The following PTCD1 variants were observed in gnomAD, a reference collection of about 807,000 sequenced individuals.
PTCD1 encodes the protein pentatricopeptide repeat domain 1.
In PTCD1, 50 loss-of-function variants were observed where a neutral mutation model predicts 53.4. That is an observed-to-expected ratio of 0.94 (90% CI 0.75 to 1.19). The LOEUF is 1.19. PTCD1 is among the 50% of genes most tolerant of loss of function. The pLI, the probability that PTCD1 is intolerant of heterozygous loss-of-function variation, is 0.00. For missense variants in PTCD1, 918 were observed against 904.8 expected (o/e 1.01, Z -0.19); for synonymous variants, 413 against 394.8 (o/e 1.05, Z -0.55).
chr7:99,420,317 A>G (rs1222659428), intron 7 of PTCD1, among the ~76,000 whole-genome samples, 168 bp from the exon 8 acceptor site: 1 of 152,172 alleles, frequency 6.6e-6, no homozygotes, highest in Admixed American at 6.5e-5. Context: ...GGACTAGCTT[A>G]CTTCAGAGAA....
At chr7:99,423,065 A>C (rs1584453381) in intron 7 of PTCD1, among the ~76,000 whole-genome samples, 1 of 146,374 alleles carries the variant, frequency 6.8e-6, no homozygotes. Context: ...ATTAAACTTC[A>C]GCTCTTAACC....
chr7:99,438,601 C>G (rs1205150076), intron 1 of PTCD1, 91 bp downstream of exon 1: 6 of 1,149,518 alleles, frequency 5.2e-6, no homozygotes, highest in Non-Finnish European at 6.5e-6. Context: ...CAGACGCCCC[C>G]GGCTCCAATC....
Position 99,418,650 on chromosome 7 carries a change from G to C in PTCD1, c.*1317C>G, listed in dbSNP as rs1320347001. The C allele has an allele frequency of 3.3e-5, 5 of 152,822 alleles. No homozygotes were observed. Among genetic ancestry groups the C allele is most frequent in the Admixed American group, 2.0e-4 (3 of 15,316 alleles). The allele number at this position is 152,822 out of a possible 1,614,324, so 9.5% of individuals were successfully genotyped here. On this transcript the variant is annotated 3_prime_UTR_variant, in exon 8 of 8. Transcript: ENST00000292478. ...ACTGGGGTGTTGGTTTTCTGATGGA[G>C]GCAGGGACAGGTGGCAGAGTGGCAG...
intron 1 of PTCD1, among the ~76,000 whole-genome samples, chr7:99,437,682 G>T (rs2150964441): frequency 6.6e-6 from 1 of 151,896 alleles, no homozygotes; most frequent in South Asian, 2.1e-4. Flanking sequence ...CACAAACTGG[G>T]TTTTTTTGCG....
Position 99,429,586 on chromosome 7 carries a change from A to G in PTCD1, c.813+2T>C. The stretch of plus-strand genomic sequence containing the variant: ...GGAGCAGGACGGCAGGGGAAGCCCC[A>G]CCTTGAACACATCGAGGCACATCCT... On this transcript the variant is annotated splice_donor_variant, in intron 4 of 7. Coordinates refer to ENST00000292478, the MANE Select transcript of PTCD1 (RefSeq NM_015545.4). LOFTEE classifies it high-confidence loss of function. 6.2e-7 allele frequency: 1 copy of G among 1,614,158 alleles called. No individual in the cohort carries two copies. The highest frequency in any genetic ancestry group is 8.5e-7 in the Non-Finnish European group (1 of 1,180,014).
intron 7 of PTCD1, among the ~76,000 whole-genome samples, chr7:99,422,702 G>A (rs572053166): frequency 3.3e-5 from 5 of 152,300 alleles, no homozygotes; most frequent in East Asian, 1.9e-4. Flanking sequence ...ACAGAAAAGG[G>A]CTACCTGGGA....
chr7:99,430,032 T>G (rs1451368925), intron 3 of PTCD1, among the ~76,000 whole-genome samples: 2 of 152,132 alleles, frequency 1.3e-5, no homozygotes, highest in Admixed American at 1.3e-4. Flanking sequence ...AAACAGGAGC[T>G]ACCCTGCCCT....
In PTCD1 at chr7:99,419,499, C is replaced by A. The variant is rs1378296453; in HGVS notation, c.*468G>T. ...CGCAGGTTCCTGCCTGTCACGCCACCCCCTTCCTGGGAGCAGCGAGCAGTG... is the reference window on the plus strand; with the variant it reads ...CGCAGGTTCCTGCCTGTCACGCCACACCCTTCCTGGGAGCAGCGAGCAGTG... On this transcript the variant is annotated 3_prime_UTR_variant, in exon 8 of 8. Coordinates refer to ENST00000292478, the MANE Select transcript of PTCD1 (RefSeq NM_015545.4). 6 of 1,595,316 alleles carry A rather than the reference C, an allele frequency of 3.8e-6. No homozygotes were observed. Among genetic ancestry groups the A allele is most frequent in the African/African-American group, 1.3e-5 (1 of 74,656 alleles).
Position 99,419,965 on chromosome 7 carries a change from C to T in PTCD1, c.*2G>A, listed in dbSNP as rs1795724958. On this transcript the variant is annotated 3_prime_UTR_variant, in exon 8 of 8. Transcript: ENST00000292478. Reference sequence around the variant, plus strand: ...GAGCACATTGTTCCAGCTGTGCTCCCATCACCTGCCCCCAAGGGCACATCC... The same window carrying T: ...GAGCACATTGTTCCAGCTGTGCTCCTATCACCTGCCCCCAAGGGCACATCC... 10 of 1,614,076 alleles carry T rather than the reference C, an allele frequency of 6.2e-6. No individual in the cohort carries two copies. The highest frequency in any genetic ancestry group is 8.5e-6 in the Non-Finnish European group (10 of 1,180,032).
chr7:99,433,843 G>A (rs1389317984), intron 2 of PTCD1, among the ~76,000 whole-genome samples: 1 of 152,058 alleles, frequency 6.6e-6, no homozygotes, highest in East Asian at 1.9e-4. Context: ...CACAAGGTCA[G>A]GAATTCGAGA....
intron 3 of PTCD1, chr7:99,432,787 G>A: frequency 4.9e-6 from 1 of 203,808 alleles, no homozygotes; most frequent in Non-Finnish European, 1.0e-5. Flanking sequence ...AGATGCGGTG[G>A]CTGGGCTGTG....
intron 1 of PTCD1, chr7:99,438,442 G>A (rs1363575798): frequency 1.1e-6 from 1 of 936,902 alleles, no homozygotes; most frequent in Non-Finnish European, 1.3e-6. Context: ...TCCAGCCTGG[G>A]CCACAGAGCG....
At chr7:99,433,156 A>T (rs1796327980) in intron 3 of PTCD1, 122 bp downstream of exon 3, 1 of 1,472,778 alleles carries the variant, frequency 6.8e-7, no homozygotes, top group African/African-American at 1.4e-5. Context: ...TTTTAAGGAG[A>T]TGACTCTGAG....
At chr7:99,424,712 T>C in intron 6 of PTCD1, 83 bp downstream of exon 6, 1 of 1,550,268 alleles carries the variant, frequency 6.5e-7, no homozygotes, top group East Asian at 2.3e-5. Context: ...GTGGGGGGTC[T>C]GCAGACCCCT....
In PTCD1 at chr7:99,417,361, T is replaced by C. The variant is rs2003499; in HGVS notation, c.*2606A>G. The C allele has an allele frequency of 0.14, 216,816 of 1,555,080 alleles. 29,477 individuals carry two copies. Among genetic ancestry groups the C allele is most frequent in the African/African-American group, 0.72 (53,130 of 73,540 alleles). On this transcript the variant is annotated 3_prime_UTR_variant, in exon 8 of 8. Transcript: ENST00000292478. ...AGCCACTGCACCCGGCCTGAATGCT[T>C]TTTTTGATCAAGGGTGGGGAAGGTT...
In PTCD1 at chr7:99,435,170, C is replaced by T. The variant is rs1361872478; in HGVS notation, c.73G>A (p.Asp25Asn). The change falls in exon 2 of 8, where the codon GAC (aspartate) becomes AAC (asparagine). Residue 25 changes from aspartate to asparagine, a missense_variant. Physicochemically the swap from Asp to Asn is conservative, Grantham distance 23. Coordinates refer to ENST00000292478, the MANE Select transcript of PTCD1 (RefSeq NM_015545.4). ...PMGLFILQHL[D>N]PCRARWAGGR... ...CCTGCCCACCTGGCTCTACAGGGGTCCAGGTGTTGCAGGATGAACAGTCCC... is the reference window on the plus strand; with the variant it reads ...CCTGCCCACCTGGCTCTACAGGGGTTCAGGTGTTGCAGGATGAACAGTCCC... 21 of 1,604,274 alleles carry T rather than the reference C, an allele frequency of 1.3e-5. No individual in the cohort carries two copies. Among genetic ancestry groups the T allele is most frequent in the Non-Finnish European group, 1.7e-5 (20 of 1,178,514 alleles).
At chr7:99,424,662 C>A in intron 6 of PTCD1, 133 bp downstream of exon 6, 2 of 1,231,844 alleles carry the variant, frequency 1.6e-6, no homozygotes, top group East Asian at 2.5e-5. Context: ...AGGTCATTGA[C>A]CCCACTCTCT....
At chr7:99,438,556 T>C (rs556440690) in intron 1 of PTCD1, 136 bp downstream of exon 1, 10 of 1,129,944 alleles carry the variant, frequency 8.8e-6, no homozygotes, top group Admixed American at 1.1e-4. Context: ...CCGACCCCTC[T>C]CCACACGGAC....
Position 99,420,008 on chromosome 7 carries a change from C to T in PTCD1, c.2062G>A (p.Gly688Ser), listed in dbSNP as rs201871731. The change falls in exon 8 of 8, where the codon GGC becomes AGC. Residue 688 changes from glycine (G) to serine (S), a missense_variant. Coordinates refer to ENST00000292478, the MANE Select transcript of PTCD1 (RefSeq NM_015545.4). The stretch of plus-strand genomic sequence containing the variant: ...GCACATCCGTCATCAGCCTCCTTGC[C>T]GGTGTCCTGGTCCCCCTGGGGCTTG... ...RTKPQGDQDTGKEADDGCALG... is the reference protein window; with the variant it reads ...RTKPQGDQDTSKEADDGCALG... The T allele has an allele frequency of 7.8e-5, 126 of 1,614,214 alleles. No homozygotes were observed. The East Asian group carries it at 1.7e-3, about 22-fold the overall frequency.
Sources: allele counts gnomAD v4.1 joint callset (sites outside exome capture counted in the v4.1 genomes callset), GRCh38; gene constraint gnomAD v4.1.1; transcripts MANE v1.5; gene names NCBI Gene and HGNC (gene_info 2026-07-23, HGNC 2026-07-21).